SCD5: variants seen among roughly 807,000 people sequenced by gnomAD.
SCD5 encodes the protein stearoyl-CoA desaturase 5, also known as acyl-CoA-desaturase 4.
Under a neutral mutation model 30.4 loss-of-function variants are expected in SCD5, and 20 were observed. The observed-to-expected ratio is 0.66, with a 90% CI of 0.46 to 0.96. SCD5 has a LOEUF of 0.96. Among genes scored for constraint, SCD5 ranks in the 40% least tolerant of loss-of-function variants. The pLI is 0.00. For synonymous variants in SCD5, 173 were observed against 176.4 expected, an observed-to-expected ratio of 0.98 and a Z score of 0.16; for missense variants, 381 against 443.3, an observed-to-expected ratio of 0.86 and a Z score of 1.26.
At chr4:82,778,874 T>C (rs1435763745) in intron 1 of SCD5, among the ~76,000 whole-genome samples, 1 of 152,018 alleles carries the variant, frequency 6.6e-6, no homozygotes, top group East Asian at 1.9e-4. Context: ...TAATCTTTTT[T>C]TTTTTTTTTG....
intron 1 of SCD5, among the ~76,000 whole-genome samples, chr4:82,724,670 C>T (rs1162416251): frequency 1.3e-5 from 2 of 152,160 alleles, no homozygotes; most frequent in Admixed American, 6.5e-5. Context: ...TCTGTTTCCT[C>T]ATCTGAAAAA....
chr4:82,716,036 G>A (rs1469683161), intron 1 of SCD5, among the ~76,000 whole-genome samples: 1 of 150,514 alleles, frequency 6.6e-6, no homozygotes, highest in Non-Finnish European at 1.5e-5. Flanking sequence ...TATTTGTTCA[G>A]TACAATGATA....
At chr4:82,760,524 T>G (rs1721341070) in intron 1 of SCD5, among the ~76,000 whole-genome samples, 12 of 152,082 alleles carry the variant, frequency 7.9e-5, no homozygotes, top group Admixed American at 7.9e-4. Flanking sequence ...GCCTCCCGAG[T>G]AGCTGGTTCT....
At chr4:82,668,804 T>G (rs1229396869) in intron 3 of SCD5, among the ~76,000 whole-genome samples, 1 of 152,134 alleles carries the variant, frequency 6.6e-6, no homozygotes, top group Admixed American at 6.5e-5. Flanking sequence ...AGAGCATGGT[T>G]GTACTTAAAA....
chr4:82,785,133 C>G (rs529072062), intron 1 of SCD5, among the ~76,000 whole-genome samples: 1 of 152,320 alleles, frequency 6.6e-6, no homozygotes, highest in South Asian at 2.1e-4. Flanking sequence ...CCCATCCCCC[C>G]AGCTCCAGAT....
intron 3 of SCD5, among the ~76,000 whole-genome samples, chr4:82,648,384 C>A (rs1727674110): frequency 6.6e-6 from 1 of 152,198 alleles, no homozygotes; most frequent in Admixed American, 6.5e-5. Context: ...TGGGATGAAC[C>A]TACCAAAGCC....
At chr4:82,779,404 C>T (rs1424145650) in intron 1 of SCD5, among the ~76,000 whole-genome samples, 1 of 152,186 alleles carries the variant, frequency 6.6e-6, no homozygotes, top group Non-Finnish European at 1.5e-5. Context: ...CCACGAGGGC[C>T]TCCTGAATGT....
chr4:82,679,400 T>C (rs1297089638), intron 3 of SCD5, among the ~76,000 whole-genome samples: 3 of 152,140 alleles, frequency 2.0e-5, no homozygotes, highest in African/African-American at 7.2e-5. Context: ...AGAGCTGTAT[T>C]GAGATGTACA....
chr4:82,735,017 C>T (rs1720719912), intron 1 of SCD5, among the ~76,000 whole-genome samples: 1 of 152,148 alleles, frequency 6.6e-6, no homozygotes, highest in Non-Finnish European at 1.5e-5. Context: ...AATCTGCCCA[C>T]CTCAGCCTCC....
At chr4:82,785,099 G>A (rs1347505141) in intron 1 of SCD5, among the ~76,000 whole-genome samples, 2 of 152,034 alleles carry the variant, frequency 1.3e-5, no homozygotes, top group Non-Finnish European at 2.9e-5. Flanking sequence ...TATACTCACA[G>A]GGTAGTGGCT....
intron 1 of SCD5, among the ~76,000 whole-genome samples, chr4:82,715,600 G>A (rs1258833592): frequency 6.6e-6 from 1 of 151,656 alleles, no homozygotes; most frequent in African/African-American, 2.4e-5. Flanking sequence ...ATTTTCTGAG[G>A]AGCTTTAAAA....
chr4:82,789,242 T>C (rs1578069289), intron 1 of SCD5, among the ~76,000 whole-genome samples: 1 of 152,190 alleles, frequency 6.6e-6, no homozygotes, highest in African/African-American at 2.4e-5. Flanking sequence ...GGCTGAAAGA[T>C]TTTAATAACA....
intron 1 of SCD5, among the ~76,000 whole-genome samples, chr4:82,772,593 C>T (rs1721651600): frequency 6.6e-6 from 1 of 152,180 alleles, no homozygotes; most frequent in Non-Finnish European, 1.5e-5. Flanking sequence ...TCTAGGATGG[C>T]CTCATACATG....
intron 3 of SCD5, chr4:82,660,557 C>T: frequency 8.5e-7 from 1 of 1,174,534 alleles, no homozygotes; most frequent in Non-Finnish European, 1.1e-6. Context: ...CTCCTCCATA[C>T]TTTCACATAT....
At chr4:82,746,685 G>A (rs954038084) in intron 1 of SCD5, among the ~76,000 whole-genome samples, 1 of 152,058 alleles carries the variant, frequency 6.6e-6, no homozygotes, top group Admixed American at 6.5e-5. Context: ...GAAGACATTT[G>A]AAGAAGACAT....
chr4:82,684,607 G>T (rs1223521665), intron 2 of SCD5, among the ~76,000 whole-genome samples: 3 of 152,156 alleles, frequency 2.0e-5, no homozygotes, highest in African/African-American at 7.2e-5. Flanking sequence ...GGTACAGTCA[G>T]TATGTGCTTT....
At chr4:82,685,209 C>A (rs571481907) in intron 2 of SCD5, among the ~76,000 whole-genome samples, 2 of 151,938 alleles carry the variant, frequency 1.3e-5, no homozygotes, top group African/African-American at 4.8e-5. Context: ...GGTAGGTGGG[C>A]GAGCGAGAGA....
chr4:82,753,468 T>C (rs1578053287), intron 1 of SCD5: 1 of 493,046 alleles, frequency 2.0e-6, no homozygotes, highest in Admixed American at 2.1e-5. Context: ...GTCACGCGGG[T>C]GGACTCTGAC....
chr4:82,670,250 G>A (rs1728280704), intron 3 of SCD5, among the ~76,000 whole-genome samples: 1 of 152,068 alleles, frequency 6.6e-6, no homozygotes, highest in South Asian at 2.1e-4. Flanking sequence ...ACGGGCTAAG[G>A]GCTGTAACAG....
Sources: gnomAD v4.1 joint callset for allele counts (sites outside exome capture counted in the v4.1 genomes callset) on GRCh38, gnomAD v4.1.1 for gene constraint, MANE v1.5 for transcripts, NCBI Gene and HGNC (gene_info 2026-07-23, HGNC 2026-07-21) for gene names.